The following DLG2 variants were observed in gnomAD, a reference collection of about 807,000 sequenced individuals.
The protein encoded by DLG2 is disks large homolog 2.
DLG2 carries 45 observed loss-of-function variants against 132.5 expected under a neutral mutation model. The observed-to-expected ratio is 0.34, with a 90% CI of 0.27 to 0.44. The LOEUF (loss-of-function observed/expected upper bound fraction) is 0.44. Ranked by LOEUF, DLG2 falls within the 20% of genes least tolerant of loss-of-function variation. The pLI is 1.00. For synonymous variants in DLG2, 424 were observed against 419.6 expected (o/e 1.01, Z -0.13); for missense variants, 1,045 against 1,196.9 (o/e 0.87, Z 1.87).
chr11:84,509,982 C>G (rs1023628722), intron 7 of DLG2, among the ~76,000 whole-genome samples: 5 of 151,316 alleles, frequency 3.3e-5, no homozygotes, highest in Admixed American at 1.3e-4. Flanking sequence ...ACACCAAATT[C>G]AAAGCAACAA....
chr11:85,246,485 A>C (rs2152687036), intron 4 of DLG2, among the ~76,000 whole-genome samples: 1 of 151,966 alleles, frequency 6.6e-6, no homozygotes, highest in African/African-American at 2.4e-5. Flanking sequence ...CCAAAATGTT[A>C]ACATTGTACT....
At chr11:84,947,702 C>T (rs1436547690) in intron 6 of DLG2, among the ~76,000 whole-genome samples, 1 of 152,172 alleles carries the variant, frequency 6.6e-6, no homozygotes, top group Admixed American at 6.5e-5. Flanking sequence ...TCTTCATTTA[C>T]TTCCACAAAT....
At chr11:83,513,960 C>G (rs1258493518) in intron 21 of DLG2, among the ~76,000 whole-genome samples, 1 of 152,080 alleles carries the variant, frequency 6.6e-6, no homozygotes, top group South Asian at 2.1e-4. Context: ...AGTCAGGTAG[C>G]GTGATACCTC....
intron 6 of DLG2, among the ~76,000 whole-genome samples, chr11:84,992,916 C>T (rs970315826): frequency 2.0e-5 from 3 of 152,132 alleles, no homozygotes; most frequent in Non-Finnish European, 4.4e-5. Context: ...TCAGCAATCC[C>T]ATTACTAGGT....
intron 6 of DLG2, among the ~76,000 whole-genome samples, chr11:84,966,140 T>C (rs753433531): frequency 1.7e-4 from 26 of 152,044 alleles, no homozygotes; most frequent in Non-Finnish European, 3.5e-4. Flanking sequence ...TCTTCTTTCA[T>C]CATAATTAGC....
At chr11:84,436,514 T>C (rs188335890) in intron 7 of DLG2, among the ~76,000 whole-genome samples, 8 of 152,196 alleles carry the variant, frequency 5.3e-5, no homozygotes, top group Non-Finnish European at 1.0e-4. Context: ...CAGAGGAATA[T>C]GAAAAATCTG....
intron 7 of DLG2, among the ~76,000 whole-genome samples, chr11:84,465,193 G>C (rs2099090924): frequency 6.6e-6 from 1 of 151,264 alleles, no homozygotes; most frequent in East Asian, 2.0e-4. Context: ...AACGAACTGT[G>C]ATTACTTCAT....
intron 6 of DLG2, among the ~76,000 whole-genome samples, chr11:85,027,184 T>C (rs1037927147): frequency 8.4e-4 from 123 of 145,854 alleles, no homozygotes; most frequent in African/African-American, 2.9e-3. Context: ...TTTTTTTTTT[T>C]TTTTTTTTTT....
chr11:85,430,614 T>C (rs565216018), intron 3 of DLG2, among the ~76,000 whole-genome samples: 11 of 152,278 alleles, frequency 7.2e-5, no homozygotes, highest in East Asian at 3.9e-4. Context: ...TAGTACTCCA[T>C]AGAGCTCCCA....
chr11:85,261,734 A>G (rs1595780637), intron 4 of DLG2, among the ~76,000 whole-genome samples: 1 of 152,088 alleles, frequency 6.6e-6, no homozygotes, highest in Non-Finnish European at 1.5e-5. Context: ...GGAAGACATG[A>G]ATTTGACAAG....
At chr11:84,371,792 T>C (rs1323436673) in intron 7 of DLG2, among the ~76,000 whole-genome samples, 1 of 152,204 alleles carries the variant, frequency 6.6e-6, no homozygotes, top group Non-Finnish European at 1.5e-5. Flanking sequence ...GTAAACGTAC[T>C]TTAAATTTCT....
chr11:84,521,037 A>G, intron 7 of DLG2, among the ~76,000 whole-genome samples: 1 of 152,196 alleles, frequency 6.6e-6, no homozygotes, highest in East Asian at 1.9e-4. Context: ...AATCATTTAC[A>G]TTTTCTTTTT....
intron 3 of DLG2, among the ~76,000 whole-genome samples, chr11:85,413,671 C>T (rs1383437717): frequency 4.6e-5 from 7 of 152,014 alleles, no homozygotes; most frequent in African/African-American, 1.4e-4. Flanking sequence ...GTCCTTTCCA[C>T]ACTTTATGTT....
intron 18 of DLG2, among the ~76,000 whole-genome samples, chr11:83,764,233 G>A (rs759393741): frequency 3.3e-5 from 5 of 152,218 alleles, no homozygotes; most frequent in South Asian, 4.1e-4. Context: ...GAAAATCACG[G>A]TGGGAGTGAT....
At chr11:84,093,033 CAAA>C (rs562763060) in intron 10 of DLG2, among the ~76,000 whole-genome samples, 20 of 87,536 alleles carry the variant, frequency 2.3e-4, no homozygotes, top group Admixed American at 4.0e-4. Flanking sequence ...GAGTCTCCGT[CAAA>C]AAAAAAAAAA....
At chr11:83,525,065 C>T (rs949255460) in intron 21 of DLG2, among the ~76,000 whole-genome samples, 5 of 152,182 alleles carry the variant, frequency 3.3e-5, no homozygotes, top group African/African-American at 1.2e-4. Context: ...TTATTCTCCA[C>T]GCCATTCCAC....
intron 6 of DLG2, among the ~76,000 whole-genome samples, chr11:84,862,546 A>G (rs2083880358): frequency 6.6e-6 from 1 of 152,142 alleles, no homozygotes; most frequent in Non-Finnish European, 1.5e-5. Context: ...CACTATTCAC[A>G]ATAGCAAAGA....
rs2082409128 is a variant in DLG2, at chr11:83,699,062, A to G, written c.1826-65737T>C. 2.0e-5 allele frequency among the ~76,000 whole-genome samples: 3 copies of G among 152,210 alleles called. 1 individual carries two copies. The highest frequency in any genetic ancestry group is 2.0e-4 in the Admixed American group (3 of 15,280). ...ATCAGAAACTTTGGGACCTGTGATC[A>G]TGCCCTAGGTTTCCAAAGCTTATTA... is the stretch of plus-strand genomic sequence containing the variant. On this transcript the variant is annotated intron_variant, in intron 18 of 27. Transcript: ENST00000376104.
At chr11:85,013,344 A>G (rs2154136315) in intron 6 of DLG2, among the ~76,000 whole-genome samples, 1 of 152,328 alleles carries the variant, frequency 6.6e-6, no homozygotes, top group Middle Eastern at 3.4e-3. Flanking sequence ...ATCCTCAGAT[A>G]ACATTAAGAC....
Sources: gnomAD v4.1 joint callset for allele counts (sites outside exome capture counted in the v4.1 genomes callset) on GRCh38, gnomAD v4.1.1 for gene constraint, MANE v1.5 for transcripts, NCBI Gene and HGNC (gene_info 2026-07-23, HGNC 2026-07-21) for gene names.